The following CHPT1 variants were observed in gnomAD, a reference collection of about 807,000 sequenced individuals.
CHPT1 encodes cholinephosphotransferase 1.
In CHPT1, 36 loss-of-function variants were observed where a neutral mutation model predicts 47.6. The ratio of observed to expected loss-of-function variants is 0.76; its 90% CI spans 0.58 to 1.00. CHPT1 has a LOEUF of 1.00. Among genes scored for constraint, CHPT1 ranks in the 50% least tolerant of loss-of-function variants. The probability of loss-of-function intolerance (pLI) is 0.00; values close to 1 mark genes in which losing one functional copy is unlikely to be tolerated. For missense variants in CHPT1, 458 were observed against 498.1 expected (o/e 0.92, Z 0.77); for synonymous variants, 194 against 186.3 (o/e 1.04, Z -0.33).
intron 4 of CHPT1, among the ~76,000 whole-genome samples, chr12:101,717,840 C>T (rs981742879): frequency 1.3e-5 from 2 of 152,132 alleles, no homozygotes; most frequent in Non-Finnish European, 2.9e-5. Context: ...TTTACAGCAG[C>T]TTTATTCATA....
intron 6 of CHPT1, 45 bp downstream of exon 6, chr12:101,723,371 G>A (rs11110979): frequency 0.085 from 97,412 of 1,142,174 alleles, 4,960 homozygotes; most frequent in South Asian, 0.17. Flanking sequence ...ATACTTAGTC[G>A]TCAAACACAA....
intron 1 of CHPT1, among the ~76,000 whole-genome samples, chr12:101,706,231 T>C (rs1348888053): frequency 6.6e-6 from 1 of 151,164 alleles, no homozygotes; most frequent in Non-Finnish European, 1.5e-5. Flanking sequence ...ACATCTGTAA[T>C]CCCAGCTACT....
intron 1 of CHPT1, 138 bp downstream of exon 1, chr12:101,698,272 C>A: frequency 1.6e-6 from 2 of 1,259,092 alleles, no homozygotes; most frequent in Non-Finnish European, 2.0e-6. Context: ...CTGCCCCGGG[C>A]GGTGTCCGCC....
At chr12:101,707,159 G>T (rs926823428) in intron 1 of CHPT1, among the ~76,000 whole-genome samples, 1 of 152,228 alleles carries the variant, frequency 6.6e-6, no homozygotes, top group Admixed American at 6.5e-5. Flanking sequence ...TGTAGGTGGA[G>T]TAAGAGGTGT....
intron 1 of CHPT1, among the ~76,000 whole-genome samples, chr12:101,698,714 C>T (rs1288833368): frequency 2.6e-5 from 4 of 152,138 alleles, no homozygotes; most frequent in African/African-American, 7.2e-5. Context: ...GTTATCAAGG[C>T]AATAATTTTT....
At chr12:101,727,819 A>AAT (rs1951999321) in intron 8 of CHPT1, 2 of 152,186 alleles carry the variant, frequency 1.3e-5, no homozygotes, top group South Asian at 4.1e-4. Context: ...GTGGAAGACT[A>AAT]ATTTCTTCCT....
chr12:101,723,738 A>C lies in CHPT1; in HGVS notation c.956A>C (p.Lys319Thr). ...TTTTTATAGGTAGCTCACATGACCAAAAGTGAACTATATCTTCAAGACACT... is the reference window on the plus strand; with the variant it reads ...TTTTTATAGGTAGCTCACATGACCACAAGTGAACTATATCTTCAAGACACT... ...SQKLVVAHMT[K>T]SELYLQDTVF... The change falls in exon 7 of 9, where the codon AAA (lysine) becomes ACA (threonine). Residue 319 changes from lysine (K) to threonine (T), a missense_variant. By Grantham distance (78) the Lys-to-Thr change is moderately conservative. Transcript: ENST00000229266. 1 of 1,570,148 alleles carries C rather than the reference A, an allele frequency of 6.4e-7. No homozygotes were observed. Among genetic ancestry groups the C allele is most frequent in the Admixed American group, 1.9e-5 (1 of 52,772 alleles).
At position 101,728,760 on chromosome 12, in the gene CHPT1, C is replaced by G. The variant is rs568461575; in HGVS notation, c.1177-141C>G. The G allele has an allele frequency of 8.8e-6, 8 of 912,350 alleles. No homozygotes were observed. In the East Asian group the frequency reaches 2.1e-4, roughly 24 times the overall value. 56.5% of individuals were successfully genotyped at this position (912,350 alleles called of 1,614,324 possible). A position where few individuals can be genotyped will look rare whatever the true frequency, so the allele number is the denominator to read the frequency against. ...CTTTAGGAATAGTTGCTAACTAACT[C>G]ATAACTATTTAGATTTGACTTAACA... is the stretch of plus-strand genomic sequence containing the variant. On this transcript the variant is annotated intron_variant, in intron 8 of 8. Coordinates refer to ENST00000229266, the MANE Select transcript of CHPT1 (RefSeq NM_020244.3).
At chr12:101,723,587 G>T (rs1405215258) in intron 6 of CHPT1, 135 bp from the exon 7 acceptor site, 7 of 642,346 alleles carry the variant, frequency 1.1e-5, no homozygotes, top group Non-Finnish European at 1.8e-5. Context: ...ATTTGAGAAG[G>T]TGTAGAAAAG....
chr12:101,703,260 C>A (rs1057000392), intron 1 of CHPT1, among the ~76,000 whole-genome samples: 5 of 152,180 alleles, frequency 3.3e-5, no homozygotes, highest in Non-Finnish European at 5.9e-5. Flanking sequence ...TCTCTTCACA[C>A]CCCTCTCTCT....
chr12:101,725,690 TAG>T (rs1491389081), intron 7 of CHPT1, among the ~76,000 whole-genome samples: 7 of 151,852 alleles, frequency 4.6e-5, no homozygotes, highest in Non-Finnish European at 8.8e-5. Flanking sequence ...ACATAAATGA[TAG>T]AGATTTTCCC....
chr12:101,728,483 T>TAAA (rs1952032694), intron 8 of CHPT1: 2 of 159,328 alleles, frequency 1.3e-5, no homozygotes, highest in African/African-American at 2.4e-5. Flanking sequence ...AACACAAATT[T>TAAA]AAATGCATCT....
intron 1 of CHPT1, among the ~76,000 whole-genome samples, chr12:101,707,821 G>T (rs930686973): frequency 6.6e-6 from 1 of 152,146 alleles, no homozygotes; most frequent in Non-Finnish European, 1.5e-5. Flanking sequence ...CAAGGAAGAA[G>T]AGAAGTAGAT....
Position 101,714,534 on chromosome 12 carries a change from C to T in CHPT1, c.452C>T (p.Ala151Val). ...VFMAVGASIA[A>V]RLGTYPDWFF... ...ATGGCAGTGGGAGCTTCAATTGCCG[C>T]TCGCTTAGGAACTTATCCTGACTGG... Residue 151 changes from alanine (A) to valine (V), a missense_variant, in exon 3 of 9, where the codon GCT becomes GTT. By Grantham distance (64) the Ala-to-Val change is moderately conservative. Coordinates refer to ENST00000229266, the MANE Select transcript of CHPT1 (RefSeq NM_020244.3). The T allele has an allele frequency of 2.5e-6, 4 of 1,606,864 alleles. No homozygotes were observed. Among genetic ancestry groups the T allele is most frequent in the Non-Finnish European group, 3.4e-6 (4 of 1,177,798 alleles).
At chr12:101,719,156 G>GGAAAAA (rs1555262966) in intron 4 of CHPT1, among the ~76,000 whole-genome samples, 2 of 95,034 alleles carry the variant, frequency 2.1e-5, no homozygotes, top group East Asian at 2.9e-4. Context: ...CTCGTCTCAA[G>GGAAAAA]AAAAAAAAAA....
chr12:101,723,712 T>A lies in CHPT1; in HGVS notation c.940-10T>A. 1.4e-6 allele frequency: 2 copies of A among 1,474,008 alleles called. No homozygotes were observed. Among genetic ancestry groups the A allele is most frequent in the Non-Finnish European group, 1.8e-6 (2 of 1,098,220 alleles). 91.3% of individuals were successfully genotyped at this position (1,474,008 alleles called of 1,614,324 possible). On this transcript the variant is annotated splice_polypyrimidine_tract_variant and intron_variant, in intron 6 of 8. Transcript: ENST00000229266. ...TAATAGTAAAATTATTTTGTTTAAT[T>A]TTTTTATAGGTAGCTCACATGACCA...
chr12:101,704,010 G>C (rs1408105699), intron 1 of CHPT1, among the ~76,000 whole-genome samples: 4 of 152,122 alleles, frequency 2.6e-5, no homozygotes, highest in Non-Finnish European at 5.9e-5. Flanking sequence ...GTCTTCTAAT[G>C]TCCTTTCTTC....
At chr12:101,721,794 C>T (rs967712071) in intron 5 of CHPT1, among the ~76,000 whole-genome samples, 1 of 152,168 alleles carries the variant, frequency 6.6e-6, no homozygotes, top group African/African-American at 2.4e-5. Context: ...GATGCGGTGG[C>T]TCACGCTTGT....
At chr12:101,718,580 A>T (rs1951799767) in intron 4 of CHPT1, among the ~76,000 whole-genome samples, 1 of 151,694 alleles carries the variant, frequency 6.6e-6, no homozygotes, top group Non-Finnish European at 1.5e-5. Context: ...GGGTCAACTG[A>T]ACCCAGGAGT....
Sources: gnomAD v4.1 joint callset for allele counts (sites outside exome capture counted in the v4.1 genomes callset) on GRCh38, gnomAD v4.1.1 for gene constraint, MANE v1.5 for transcripts, NCBI Gene and HGNC (gene_info 2026-07-23, HGNC 2026-07-21) for gene names.